Variants in ZNF385D observed in about 807,000 individuals in gnomAD.
ZNF385D encodes the protein zinc finger protein 385D.
In ZNF385D, 15 loss-of-function variants were observed where a neutral mutation model predicts 35.8. That is an observed-to-expected ratio of 0.42 (90% confidence interval 0.28 to 0.64). The LOEUF (loss-of-function observed/expected upper bound fraction) is 0.64. Among genes scored for constraint, ZNF385D ranks in the 30% least tolerant of loss-of-function variants. The probability of loss-of-function intolerance (pLI) is 0.23; values close to 1 mark genes in which losing one functional copy is unlikely to be tolerated. For synonymous variants in ZNF385D, 212 were observed against 186.8 expected, an observed-to-expected ratio of 1.13 and a Z score of -1.10; for missense variants, 474 against 494.6, an observed-to-expected ratio of 0.96 and a Z score of 0.39.
At position 21,681,706 on chromosome 3, in the gene ZNF385D, A is replaced by AAC. The variant is rs1553636530; in HGVS notation, c.23-16679_23-16678insGT. On this transcript the variant is annotated intron_variant, in intron 1 of 7. Transcript: ENST00000281523. ...GAATGATAAAAAAAAACGAAAAAAA[A>AAC]AAAACAAACAAAAAAGGAAATAAAA... 1.3e-4 allele frequency among the ~76,000 whole-genome samples: 19 copies of AAC among 149,086 alleles called. 1 individual carries two copies. Among genetic ancestry groups the AAC allele is most frequent in the African/African-American group, 4.6e-4 (19 of 41,206 alleles).
intron 1 of ZNF385D, among the ~76,000 whole-genome samples, chr3:21,676,052 T>C (rs1165245546): frequency 6.6e-6 from 1 of 152,116 alleles, no homozygotes; most frequent in African/African-American, 2.4e-5. Flanking sequence ...TGGCACAAAA[T>C]TCCTAGGAAA....
At chr3:22,372,630 G>T (rs909510206) in exon 2 of ZNF385D, 1 of 448,566 alleles carries the variant, frequency 2.2e-6, no homozygotes, top group African/African-American at 2.1e-5. Context: ...AACGGCGGTG[G>T]TCGCCGCGAG....
intron 3 of ZNF385D, among the ~76,000 whole-genome samples, chr3:22,082,623 G>A (rs1234679680): frequency 1.3e-5 from 2 of 152,216 alleles, no homozygotes; most frequent in South Asian, 2.1e-4. Context: ...TCTAGGGGCA[G>A]GGCATAGCTG....
chr3:22,272,182 G>A (rs1015257542), intron 2 of ZNF385D, among the ~76,000 whole-genome samples: 17 of 152,028 alleles, frequency 1.1e-4, no homozygotes, highest in African/African-American at 4.1e-4. Flanking sequence ...CAGTAATAAC[G>A]ACGCCACGAG....
At chr3:22,290,686 C>G (rs1317432278) in intron 2 of ZNF385D, among the ~76,000 whole-genome samples, 1 of 152,108 alleles carries the variant, frequency 6.6e-6, no homozygotes, top group Non-Finnish European at 1.5e-5. Flanking sequence ...AGAACACTTT[C>G]CAGTCCATCA....
intron 3 of ZNF385D, among the ~76,000 whole-genome samples, chr3:21,852,710 G>A (rs1006084556): frequency 2.0e-5 from 3 of 151,858 alleles, no homozygotes; most frequent in Admixed American, 2.0e-4. Context: ...AATAAAATTG[G>A]GGGTAAGATG....
chr3:22,229,564 T>G (rs1698760535), intron 2 of ZNF385D, among the ~76,000 whole-genome samples: 1 of 152,170 alleles, frequency 6.6e-6, no homozygotes, highest in African/African-American at 2.4e-5. Context: ...AGTGTTGCTC[T>G]CTCCTTTACC....
chr3:22,294,096 T>TTC (rs1702445739), intron 2 of ZNF385D, among the ~76,000 whole-genome samples: 1 of 151,998 alleles, frequency 6.6e-6, no homozygotes, highest in Non-Finnish European at 1.5e-5. Flanking sequence ...GTTGAATACA[T>TTC]AATGATACTC....
In ZNF385D at chr3:22,329,029, A is replaced by G. The variant is rs192537532; in HGVS notation, c.106+43421T>C. 4.4e-3 allele frequency among the ~76,000 whole-genome samples: 632 copies of G among 144,158 alleles called. 2 individuals carry two copies. Among genetic ancestry groups the G allele is most frequent in the African/African-American group, 0.015 (601 of 38,842 alleles). The allele number at this position is 144,158 out of a possible 152,430, so 94.6% of individuals were successfully genotyped here. A position where few individuals can be genotyped will look rare whatever the true frequency, so the allele number is the denominator to read the frequency against. ...GAGGCGGAGCTTGCAGTGAGCCGAG[A>G]TCGCGCCACTGCACTCCAGCCTGGG... On this transcript the variant is annotated intron_variant, in intron 2 of 5. Transcript: ENST00000494108.
At chr3:22,193,334 C>T (rs570771306) in intron 2 of ZNF385D, among the ~76,000 whole-genome samples, 61 of 152,098 alleles carry the variant, frequency 4.0e-4, no homozygotes, top group Non-Finnish European at 7.9e-4. Context: ...ATTGTTTGTA[C>T]ACATTTTTCT....
At chr3:21,732,223 T>C (rs1039729661) in intron 1 of ZNF385D, among the ~76,000 whole-genome samples, 25 of 151,940 alleles carry the variant, frequency 1.6e-4, no homozygotes, top group African/African-American at 6.0e-4. Flanking sequence ...CTAATTTTTT[T>C]GTATTTTTAG....
At chr3:21,759,479 G>C (rs957593702) in intron 3 of ZNF385D, among the ~76,000 whole-genome samples, 3 of 152,204 alleles carry the variant, frequency 2.0e-5, no homozygotes, top group Non-Finnish European at 2.9e-5. Context: ...TTGACAGACA[G>C]TGTAGGAAGT....
chr3:21,828,708 CAA>C (rs1694810047), intron 3 of ZNF385D, among the ~76,000 whole-genome samples: 1 of 152,206 alleles, frequency 6.6e-6, no homozygotes, highest in Admixed American at 6.5e-5. Context: ...TGGCTTAAAA[CAA>C]TGCAAATTTT....
intron 2 of ZNF385D, among the ~76,000 whole-genome samples, chr3:22,346,331 A>T (rs1481587772): frequency 6.6e-6 from 1 of 152,216 alleles, no homozygotes; most frequent in Non-Finnish European, 1.5e-5. Context: ...TGTTGGGGAA[A>T]AAAAGGCAAT....
At chr3:22,107,177 C>A (rs772924676) in intron 3 of ZNF385D, among the ~76,000 whole-genome samples, 27 of 151,968 alleles carry the variant, frequency 1.8e-4, no homozygotes, top group Middle Eastern at 3.4e-3. Flanking sequence ...GCATGTGCCA[C>A]CACACCTAGC....
chr3:21,737,008 C>T (rs927918627), intron 1 of ZNF385D, among the ~76,000 whole-genome samples: 4 of 152,154 alleles, frequency 2.6e-5, no homozygotes, highest in African/African-American at 9.7e-5. Flanking sequence ...GGCACAATCT[C>T]GGCTCACTGC....
chr3:21,526,999 T>C (rs1270145652), intron 3 of ZNF385D, among the ~76,000 whole-genome samples: 2 of 152,174 alleles, frequency 1.3e-5, no homozygotes, highest in Non-Finnish European at 2.9e-5. Context: ...TTTAATAGCA[T>C]TAATAAGTTA....
intron 1 of ZNF385D, among the ~76,000 whole-genome samples, chr3:21,743,280 A>C (rs2069607242): frequency 6.6e-6 from 1 of 152,184 alleles, no homozygotes; most frequent in African/African-American, 2.4e-5. Context: ...TTTTTTTATA[A>C]GCATTGAGTT....
intron 3 of ZNF385D, among the ~76,000 whole-genome samples, chr3:21,814,487 A>G (rs2073063615): frequency 1.3e-5 from 2 of 152,208 alleles, no homozygotes; most frequent in African/African-American, 4.8e-5. Flanking sequence ...GGATGGAGGA[A>G]GATCTACCAA....
Sources: gnomAD v4.1 joint callset for allele counts (sites outside exome capture counted in the v4.1 genomes callset) on GRCh38, gnomAD v4.1.1 for gene constraint, MANE v1.5 for transcripts, NCBI Gene and HGNC (gene_info 2026-07-23, HGNC 2026-07-21) for gene names.